Variants in SYCE1L observed in about 807,000 individuals in gnomAD.
The protein encoded by SYCE1L is synaptonemal complex central element protein 1-like.
In SYCE1L, 51 loss-of-function variants were observed where a neutral mutation model predicts 39.6. That is an observed-to-expected ratio of 1.29 (90% CI 1.03 to 1.63). SYCE1L has a LOEUF of 1.63. Among genes scored for constraint, SYCE1L ranks in the 40% most tolerant of loss-of-function variants. The probability of loss-of-function intolerance (pLI) is 0.00; values close to 1 mark genes in which losing one functional copy is unlikely to be tolerated. For missense variants in SYCE1L, 426 were observed against 304.9 expected, an observed-to-expected ratio of 1.40 and a Z score of -2.96; for synonymous variants, 147 against 122.4, an observed-to-expected ratio of 1.20 and a Z score of -1.33.
intron 1 of SYCE1L, 69 bp from the exon 2 acceptor site, chr16:77,206,370 ACT>A: frequency 7.1e-7 from 1 of 1,402,332 alleles, no homozygotes; most frequent in Non-Finnish European, 9.8e-7. Context: ...GCCCACTGGG[ACT>A]TCCTGCCTCC....
At position 77,213,090 on chromosome 16, in the gene SYCE1L, C is replaced by T. The variant is rs571100420; in HGVS notation, c.*159C>T. Reference sequence around the variant, plus strand: ...TCGAGGCGGGGCCTCTGCCGGACCCCTCCCACCAGTCGAGCCCCGGGCGCC... The same window carrying T: ...TCGAGGCGGGGCCTCTGCCGGACCCTTCCCACCAGTCGAGCCCCGGGCGCC... On this transcript the variant is annotated 3_prime_UTR_variant, in exon 11 of 11. Coordinates refer to ENST00000378644, the MANE Select transcript of SYCE1L (RefSeq NM_001129979.3). 2.0e-3 allele frequency: 1,446 copies of T among 735,866 alleles called. 4 individuals are homozygous for T. Among genetic ancestry groups the T allele is most frequent in the Non-Finnish European group, 1.9e-3 (1,004 of 516,924 alleles). The allele number at this position is 735,866 out of a possible 1,614,324, so 45.6% of individuals were successfully genotyped here.
Position 77,208,067 on chromosome 16 carries a change from G to T in SYCE1L, c.122-143G>T, listed in dbSNP as rs896476054. 3 of 777,436 alleles carry T rather than the reference G, an allele frequency of 3.9e-6. No individual in the cohort carries two copies. The African/African-American group carries it at 5.3e-5, about 14-fold the overall frequency. The allele number at this position is 777,436 out of a possible 1,614,324, so 48.2% of individuals were successfully genotyped here. On this transcript the variant is annotated intron_variant, in intron 2 of 10. Coordinates refer to ENST00000378644, the MANE Select transcript of SYCE1L (RefSeq NM_001129979.3). ...CAACCCAGAATGCAAGCCCTTCAAG[G>T]GGCTCTGGCAGAGCTCAACACACAG... is the stretch of plus-strand genomic sequence containing the variant.
intron 1 of SYCE1L, chr16:77,202,155 T>G (rs1016724321): frequency 4.6e-5 from 7 of 152,226 alleles, no homozygotes; most frequent in Non-Finnish European, 1.0e-4. Flanking sequence ...TATATTCATA[T>G]TGGATCAGTA....
At chr16:77,212,248 C>T (rs944733306) in intron 8 of SYCE1L, 34 bp from the exon 9 acceptor site, 2 of 1,535,932 alleles carry the variant, frequency 1.3e-6, no homozygotes, top group African/African-American at 1.4e-5. Flanking sequence ...GTGCCCGGGC[C>T]TCGGCCCTGC....
At chr16:77,201,935 C>G (rs2054747855) in intron 1 of SYCE1L, 2 of 152,046 alleles carry the variant, frequency 1.3e-5, no homozygotes, top group Non-Finnish European at 2.9e-5. Context: ...GGGTATAGCC[C>G]TGTGTATGTT....
intron 2 of SYCE1L, 105 bp from the exon 3 acceptor site, chr16:77,208,105 A>G (rs995732117): frequency 1.7e-5 from 20 of 1,180,620 alleles, no homozygotes; most frequent in Admixed American, 2.5e-5. Context: ...GGCGCTCAAT[A>G]TATGCCGGTT....
At chr16:77,201,438 C>T (rs1047007014) in intron 1 of SYCE1L, 7 of 152,150 alleles carry the variant, frequency 4.6e-5, no homozygotes, top group African/African-American at 1.4e-4. Context: ...ATCAAATCGG[C>T]TTTATAAAGG....
intron 5 of SYCE1L, 113 bp downstream of exon 5, chr16:77,209,257 C>G: frequency 7.3e-7 from 1 of 1,368,396 alleles, no homozygotes; most frequent in Non-Finnish European, 1.0e-6. Context: ...GTGCTTCCCT[C>G]TCTGCACAGA....
At chr16:77,208,336 A>G (rs68164273) in intron 3 of SYCE1L, 67 bp downstream of exon 3, 171,049 of 1,541,924 alleles carry the variant, frequency 0.11, 10,958 homozygotes, top group East Asian at 0.31. Flanking sequence ...TAATGAATCC[A>G]CCTCCTCATC....
intron 7 of SYCE1L, 100 bp from the exon 8 acceptor site, chr16:77,212,029 CT>C: frequency 7.8e-7 from 1 of 1,280,052 alleles, no homozygotes; most frequent in South Asian, 1.5e-5. Flanking sequence ...AATGAATGAC[CT>C]AATGTAGGTG....
chr16:77,209,802 T>C (rs1399061263), intron 6 of SYCE1L, among the ~76,000 whole-genome samples: 1 of 152,198 alleles, frequency 6.6e-6, no homozygotes. Context: ...AGTCATCCAT[T>C]TGCCCACCCA....
chr16:77,208,125 C>G, intron 2 of SYCE1L, 85 bp from the exon 3 acceptor site: 1 of 1,308,410 alleles, frequency 7.6e-7, no homozygotes, highest in Middle Eastern at 2.6e-4. Context: ...TAATTGATAG[C>G]AGCAGACACA....
intron 5 of SYCE1L, 80 bp from the exon 6 acceptor site, chr16:77,209,337 A>G (rs1271871188): frequency 1.4e-6 from 2 of 1,467,308 alleles, no homozygotes; most frequent in African/African-American, 1.4e-5. Context: ...AATGCCTGAC[A>G]TGATGTGGGG....
At chr16:77,208,349 T>C in intron 3 of SYCE1L, 80 bp downstream of exon 3, 1 of 1,540,196 alleles carries the variant, frequency 6.5e-7, no homozygotes, top group Non-Finnish European at 8.8e-7. Flanking sequence ...TCCTCATCTA[T>C]AAAATCTAGG....
At position 77,213,016 on chromosome 16, in the gene SYCE1L, C is replaced by G; in HGVS notation, c.*85C>G. The G allele has an allele frequency of 7.4e-7, 1 of 1,349,500 alleles. No homozygotes were observed. The highest frequency in any genetic ancestry group is 9.8e-7 in the Non-Finnish European group (1 of 1,019,738). 83.6% of individuals were successfully genotyped at this position (1,349,500 alleles called of 1,614,324 possible). Reference sequence around the variant, plus strand: ...TGATTTCCGACCATGCTCGCGTTCTCCGCGGAGTCTGTGCTACACCGTGGA... The same window carrying G: ...TGATTTCCGACCATGCTCGCGTTCTGCGCGGAGTCTGTGCTACACCGTGGA... On this transcript the variant is annotated 3_prime_UTR_variant, in exon 11 of 11. Transcript: ENST00000378644.
In SYCE1L at chr16:77,212,879, C is replaced by A; in HGVS notation, c.677C>A (p.Ala226Asp). Residue 226 changes from alanine (A) to aspartate (D), a missense_variant, in exon 11 of 11, where the codon GCT (alanine) becomes GAT (aspartate). Ala to Asp is a moderately radical substitution (Grantham distance 126). Coordinates refer to ENST00000378644, the MANE Select transcript of SYCE1L (RefSeq NM_001129979.3). ...EGEAGPELPR[A>D]RDEEDPEPPV... ...CAGGCCGGACCTGAGCTCCCCCGCG[C>A]TCGCGACGAGGAGGATCCCGAGCCG... The A allele has an allele frequency of 6.6e-7, 1 of 1,521,614 alleles. No homozygotes were observed. The highest frequency in any genetic ancestry group is 8.8e-7 in the Non-Finnish European group (1 of 1,136,576). 94.3% of individuals were successfully genotyped at this position (1,521,614 alleles called of 1,614,324 possible).
chr16:77,212,484 C>T (rs2054831611), intron 9 of SYCE1L, 90 bp from the exon 10 acceptor site: 4 of 1,538,018 alleles, frequency 2.6e-6, no homozygotes, highest in Admixed American at 2.0e-5. Context: ...CCTCCCTCGG[C>T]GTCGTCGGGT....
At chr16:77,205,342 A>C (rs2054778550) in intron 1 of SYCE1L, among the ~76,000 whole-genome samples, 1 of 150,680 alleles carries the variant, frequency 6.6e-6, no homozygotes, top group South Asian at 2.1e-4. Flanking sequence ...TCAAGACTTA[A>C]GGAATTTTTT....
In SYCE1L at chr16:77,208,195, C is replaced by T; in HGVS notation, c.122-15C>T. ...AGTCTTCTCTGGCTCACTCTTTCTT[C>T]CTTTCTTTCTTCAGAGGGAAGCCTG... is the stretch of plus-strand genomic sequence containing the variant. On this transcript the variant is annotated splice_polypyrimidine_tract_variant and intron_variant, in intron 2 of 10. Transcript: ENST00000378644. The T allele has an allele frequency of 6.4e-7, 1 of 1,550,764 alleles. No individual in the cohort carries two copies. Among genetic ancestry groups the T allele is most frequent in the Non-Finnish European group, 8.7e-7 (1 of 1,146,618 alleles).
Sources: gnomAD v4.1 joint callset for allele counts (sites outside exome capture counted in the v4.1 genomes callset) on GRCh38, gnomAD v4.1.1 for gene constraint, MANE v1.5 for transcripts, NCBI Gene and HGNC (gene_info 2026-07-23, HGNC 2026-07-21) for gene names.